PAX3: variants seen among roughly 807,000 people sequenced by gnomAD.
PAX3 encodes paired box 3.
A neutral mutation model predicts 51.6 loss-of-function variants in PAX3; 14 were observed. The ratio of observed to expected loss-of-function variants is 0.27; its 90% CI spans 0.18 to 0.42. The LOEUF (loss-of-function observed/expected upper bound fraction) is 0.42, where lower values mean the gene tolerates loss of function less well. PAX3 is among the 10% of genes least tolerant of loss of function. The pLI is 1.00. For synonymous variants in PAX3, 280 were observed against 253.4 expected, an observed-to-expected ratio of 1.11 and a Z score of -1.00; for missense variants, 540 against 642.8, an observed-to-expected ratio of 0.84 and a Z score of 1.73.
At chr2:222,219,486 C>T (rs1010196587) in intron 7 of PAX3, among the ~76,000 whole-genome samples, 1 of 152,206 alleles carries the variant, frequency 6.6e-6, no homozygotes, top group Non-Finnish European at 1.5e-5. Flanking sequence ...ATTATCAAGG[C>T]AATTTATTAA....
At chr2:222,269,353 C>A (rs1694168465) in intron 4 of PAX3, among the ~76,000 whole-genome samples, 1 of 152,176 alleles carries the variant, frequency 6.6e-6, no homozygotes, top group Non-Finnish European at 1.5e-5. Context: ...GGCCCGCATT[C>A]TTTAATTGCC....
At chr2:222,295,073 C>T (rs1447320052) in intron 3 of PAX3, among the ~76,000 whole-genome samples, 2 of 151,846 alleles carry the variant, frequency 1.3e-5, no homozygotes, top group Non-Finnish European at 2.9e-5. Context: ...GCTGCCGTGG[C>T]GGGGGGCTCC....
chr2:222,288,051 G>A (rs890275844), intron 4 of PAX3, among the ~76,000 whole-genome samples: 1 of 152,194 alleles, frequency 6.6e-6, no homozygotes, highest in African/African-American at 2.4e-5. Context: ...CACAGAGATA[G>A]TATTTCCAAA....
chr2:222,276,569 C>T (rs968724131), intron 4 of PAX3, among the ~76,000 whole-genome samples: 6 of 152,186 alleles, frequency 3.9e-5, no homozygotes, highest in Non-Finnish European at 7.4e-5. Flanking sequence ...CCACAGCCTG[C>T]TAGAGCTGGG....
At chr2:222,210,646 T>A (rs532530318) in intron 7 of PAX3, among the ~76,000 whole-genome samples, 1 of 152,290 alleles carries the variant, frequency 6.6e-6, no homozygotes, top group East Asian at 1.9e-4. Context: ...AATAAATTGA[T>A]CTTAGTACAT....
Position 222,232,079 on chromosome 2 carries a change from T to C in PAX3, c.791A>G (p.Gln264Arg). 1 of 1,613,688 alleles carries C rather than the reference T, an allele frequency of 6.2e-7. No individual in the cohort carries two copies. The highest frequency in any genetic ancestry group is 8.5e-7 in the Non-Finnish European group (1 of 1,179,832). ...QRAKLTEARVQVWFSNRRARW... is the reference protein window; with the variant it reads ...QRAKLTEARVRVWFSNRRARW... ...ACACGGAGGTTTGGGCAACAGTACCTGTACTCGGGCCTCGGTGAGCTTCGC... is the reference window on the plus strand; with the variant it reads ...ACACGGAGGTTTGGGCAACAGTACCCGTACTCGGGCCTCGGTGAGCTTCGC... Residue 264 changes from glutamine to arginine, a missense_variant and splice_region_variant, in exon 5 of 9, where the codon CAG (glutamine) becomes CGG (arginine). Gln to Arg is a conservative substitution (Grantham distance 43). Transcript: ENST00000392070.
intron 4 of PAX3, chr2:222,287,260 G>A (rs1045887856): frequency 6.6e-6 from 1 of 152,162 alleles, no homozygotes; most frequent in African/African-American, 2.4e-5. Flanking sequence ...TATTAGGAAG[G>A]AAAGAAAGAA....
chr2:222,246,031 G>C (rs1175151543), intron 4 of PAX3, among the ~76,000 whole-genome samples: 1 of 152,032 alleles, frequency 6.6e-6, no homozygotes, highest in East Asian at 1.9e-4. Flanking sequence ...TTCTAGCAAA[G>C]AAGGATAGAA....
intron 4 of PAX3, among the ~76,000 whole-genome samples, chr2:222,240,804 A>C (rs977413941): frequency 6.6e-6 from 1 of 152,206 alleles, no homozygotes; most frequent in African/African-American, 2.4e-5. Context: ...TCCTTTTACA[A>C]CACGAATGAC....
intron 4 of PAX3, 53 bp downstream of exon 4, chr2:222,294,114 C>G (rs1190096132): frequency 1.2e-6 from 2 of 1,611,910 alleles, no homozygotes; most frequent in South Asian, 1.1e-5. Flanking sequence ...GTCAGCTAGC[C>G]GATGCCCTCC....
At position 222,201,985 on chromosome 2, in the gene PAX3, A is replaced by G. The variant is rs765696723; in HGVS notation, c.1379T>C (p.Met460Thr). The change falls in exon 8 of 9, where the codon ATG becomes ACG. Residue 460 changes from methionine to threonine, a missense_variant. Met to Thr is a moderately conservative substitution (Grantham distance 81). Around this residue, in one of 3 missense-constraint regions of PAX3, gnomAD observed 427 missense variants for 483.6 expected, o/e 0.88. Transcript: ENST00000392070. ...ATATTGGTAGCCTGTGACAGGGTCC[A>G]TACTGTAGCCTGTGGTGCTATAGGT... ...PPTYSTTGYS[M>T]DPVTGYQYGQ... 6.2e-7 allele frequency: 1 copy of G among 1,613,996 alleles called. No individual in the cohort carries two copies. The highest frequency in any genetic ancestry group is 8.5e-7 in the Non-Finnish European group (1 of 1,180,002).
intron 5 of PAX3, among the ~76,000 whole-genome samples, chr2:222,227,729 TA>T (rs34964275): frequency 0.21 from 30,980 of 144,928 alleles, 3,308 homozygotes; most frequent in South Asian, 0.29. Flanking sequence ...TCATCTTTTT[TA>T]AAAAAAAAAA....
At chr2:222,288,476 G>A (rs962240334) in intron 4 of PAX3, among the ~76,000 whole-genome samples, 2 of 152,180 alleles carry the variant, frequency 1.3e-5, no homozygotes, top group African/African-American at 2.4e-5. Flanking sequence ...CACGTGTAGA[G>A]AGATGTAGTC....
chr2:222,201,130 T>G lies in PAX3; in HGVS notation c.*278A>C, dbSNP rs894064224. On this transcript the variant is annotated 3_prime_UTR_variant, in exon 9 of 9. Coordinates refer to ENST00000392070, the MANE Select transcript of PAX3 (RefSeq NM_181458.4). The stretch of plus-strand genomic sequence containing the variant: ...ACTAAAGAATTGGGATGTTTTGATA[T>G]GTAACCATGTGAAACCATTGCCTTA... 6.2e-7 allele frequency: 1 copy of G among 1,605,322 alleles called. No homozygotes were observed. Among genetic ancestry groups the G allele is most frequent in the Non-Finnish European group, 8.5e-7 (1 of 1,172,548 alleles).
chr2:222,287,892 T>C (rs1475316603), intron 4 of PAX3, among the ~76,000 whole-genome samples: 1 of 152,180 alleles, frequency 6.6e-6, no homozygotes, highest in East Asian at 1.9e-4. Flanking sequence ...CATGCACAAC[T>C]TTTTAGTACT....
chr2:222,262,272 A>T (rs1023936269), intron 4 of PAX3, among the ~76,000 whole-genome samples: 4 of 152,194 alleles, frequency 2.6e-5, no homozygotes, highest in African/African-American at 9.7e-5. Context: ...GGACTTAGGG[A>T]TTATTCCCTA....
chr2:222,205,382 C>T (rs1014390305), intron 7 of PAX3, among the ~76,000 whole-genome samples: 16 of 152,220 alleles, frequency 1.1e-4, no homozygotes, highest in Admixed American at 8.5e-4. Context: ...CCTTTAGCCA[C>T]AGCACTCAGC....
chr2:222,226,891 C>T (rs190731723), intron 5 of PAX3, among the ~76,000 whole-genome samples: 28 of 151,746 alleles, frequency 1.8e-4, no homozygotes, highest in Admixed American at 1.7e-3. Context: ...TAATGAAAGC[C>T]AGAGGCCCTT....
Position 222,201,263 on chromosome 2 carries a change from C to A in PAX3, c.*145G>T, listed in dbSNP as rs1259121810. ...CAACTATTGGAGGAAGAAAATCAAT[C>A]ACTCTCCTTTGTCTCCTATTGGGAC... is the stretch of plus-strand genomic sequence containing the variant. On this transcript the variant is annotated 3_prime_UTR_variant, in exon 9 of 9. Coordinates refer to ENST00000392070, the MANE Select transcript of PAX3 (RefSeq NM_181458.4). The A allele has an allele frequency of 2.5e-6, 4 of 1,613,796 alleles. No homozygotes were observed. Among genetic ancestry groups the A allele is most frequent in the East Asian group, 4.5e-5 (2 of 44,834 alleles).
Sources: allele counts gnomAD v4.1 joint callset (sites outside exome capture counted in the v4.1 genomes callset), GRCh38; gene constraint gnomAD v4.1.1; regional missense constraint gnomAD v4.1.1; transcripts MANE v1.5; gene names NCBI Gene and HGNC (gene_info 2026-07-23, HGNC 2026-07-21).